Variants in DDX18 observed in about 807,000 individuals in gnomAD.
The protein encoded by DDX18 is DEAD-box helicase 18, also known as ATP-dependent RNA helicase DDX18.
A neutral mutation model predicts 73.5 loss-of-function variants in DDX18; 23 were observed. The ratio of observed to expected loss-of-function variants is 0.31; its 90% CI spans 0.23 to 0.44. The LOEUF (loss-of-function observed/expected upper bound fraction) is 0.44. Among genes scored for constraint, DDX18 ranks in the 20% least tolerant of loss-of-function variants. The pLI, the probability that DDX18 is intolerant of heterozygous loss-of-function variation, is 1.00. For synonymous variants in DDX18, 268 were observed against 282.7 expected, an observed-to-expected ratio of 0.95 and a Z score of 0.52; for missense variants, 753 against 792.9, an observed-to-expected ratio of 0.95 and a Z score of 0.60.
chr2:117,825,666 C>G (rs1679914264), intron 10 of DDX18, 67 bp downstream of exon 10: 2 of 1,561,054 alleles, frequency 1.3e-6, no homozygotes, highest in Non-Finnish European at 1.8e-6. Flanking sequence ...TCTCCCAGTT[C>G]CCTGACGGAA....
chr2:117,819,506 CAG>C, intron 2 of DDX18, 141 bp from the exon 3 acceptor site: 1 of 827,458 alleles, frequency 1.2e-6, no homozygotes, highest in South Asian at 2.6e-5. Flanking sequence ...TTTCACCAAA[CAG>C]AATTCTTAAC....
At chr2:117,818,667 G>C (rs1679798297) in intron 2 of DDX18, among the ~76,000 whole-genome samples, 1 of 151,756 alleles carries the variant, frequency 6.6e-6, no homozygotes, top group Non-Finnish European at 1.5e-5. Flanking sequence ...TTAACCTTAT[G>C]GGTTTTTTGT....
chr2:117,816,604 C>G lies in DDX18; in HGVS notation c.86-840C>G, dbSNP rs78387314. Among the ~76,000 whole-genome samples the G allele has an allele frequency of 6.2e-3, 944 of 152,066 alleles. 9 individuals are homozygous for G. Among genetic ancestry groups the G allele is most frequent in the African/African-American group, 0.022 (909 of 41,446 alleles). On this transcript the variant is annotated intron_variant, in intron 1 of 13. Coordinates refer to ENST00000263239, the MANE Select transcript of DDX18 (RefSeq NM_006773.4). Reference sequence around the variant, plus strand: ...TCTCTCCCTGAGGCTCTTTTACAGTCGACTCATTTTTTTTTAATAAGTAAA... The same window carrying G: ...TCTCTCCCTGAGGCTCTTTTACAGTGGACTCATTTTTTTTTAATAAGTAAA...
At position 117,829,299 on chromosome 2, in the gene DDX18, T is replaced by G. The variant is rs923810782; in HGVS notation, c.1703T>G (p.Leu568Trp). ...TTCTTTCTATTTCAGCTTGAGAAAT[T>G]GATTGAAAAGAATTACTTTCTTCAT... ...ISDIQSQLEK[L>W]IEKNYFLHKS... The change falls in exon 13 of 14, where the codon TTG becomes TGG. Residue 568 changes from leucine (L) to tryptophan (W), a missense_variant. Physicochemically the swap from Leu to Trp is moderately conservative, Grantham distance 61. Transcript: ENST00000263239. 1.3e-6 allele frequency: 2 copies of G among 1,587,484 alleles called. No individual in the cohort carries two copies. Among genetic ancestry groups the G allele is most frequent in the Non-Finnish European group, 8.5e-7 (1 of 1,170,906 alleles).
At chr2:117,814,886 G>T (rs759981945) in intron 1 of DDX18, 24 bp downstream of exon 1, 6 of 1,613,668 alleles carry the variant, frequency 3.7e-6, no homozygotes, top group Non-Finnish European at 5.1e-6. Flanking sequence ...ACTCGCGGTG[G>T]CTCAGAAGAC....
At chr2:117,828,880 T>C in intron 11 of DDX18, 69 bp from the exon 12 acceptor site, 1 of 1,115,612 alleles carries the variant, frequency 9.0e-7, no homozygotes, top group Non-Finnish European at 1.3e-6. Flanking sequence ...CATCCTTCCC[T>C]GTCTTCAGTA....
intron 4 of DDX18, 44 bp from the exon 5 acceptor site, chr2:117,821,606 T>C: frequency 6.2e-7 from 1 of 1,605,464 alleles, no homozygotes; most frequent in Non-Finnish European, 8.5e-7. Flanking sequence ...ACGTCGTAAA[T>C]GAGTAGGCTA....
Position 117,830,823 on chromosome 2 carries a change from AC to A in DDX18, c.*101del. The A allele has an allele frequency of 3.5e-6, 5 of 1,430,832 alleles. No homozygotes were observed. The highest frequency in any genetic ancestry group is 4.8e-6 in the Non-Finnish European group (5 of 1,038,210). 88.6% of individuals were successfully genotyped at this position (1,430,832 alleles called of 1,614,324 possible). On this transcript the variant is annotated 3_prime_UTR_variant, in exon 14 of 14. Coordinates refer to ENST00000263239, the MANE Select transcript of DDX18 (RefSeq NM_006773.4). ...TTTGTAGACTTTAGAATTTGGACTT[AC>A]CTAACAAGAGTATAAATTGACTTGG...
At position 117,830,592 on chromosome 2, in the gene DDX18, T is replaced by C. The variant is rs1465988642; in HGVS notation, c.1881T>C (p.Ser627=). 2 of 1,613,590 alleles carry C rather than the reference T, an allele frequency of 1.2e-6. No homozygotes were observed. The highest frequency in any genetic ancestry group is 1.7e-6 in the Non-Finnish European group (2 of 1,179,774). The change falls in exon 14 of 14, where the codon AGT becomes AGC. Residue 627 remains serine (S), a synonymous_variant. Transcript: ENST00000263239. ...VPPFVDLNVN[S]NEGKQKKRGG... ...AATGTTTGCCTCCAGACGTCAACAG[T>C]AATGAAGGCAAGCAGAAAAAGCGAG...
In DDX18 at chr2:117,821,669, A is replaced by G. The variant is rs750037176; in HGVS notation, c.670A>G (p.Lys224Glu). The change falls in exon 5 of 14, where the codon AAA (lysine) becomes GAA (glutamate). Residue 224 changes from lysine to glutamate, a missense_variant. By Grantham distance (56) the Lys-to-Glu change is moderately conservative. Coordinates refer to ENST00000263239, the MANE Select transcript of DDX18 (RefSeq NM_006773.4). ...ATTTAGGGATCTTCTAGCAGCTGCA[A>G]AAACAGGCAGTGGTAAAACCCTGGC... The part of the protein sequence containing the change: ...LEGRDLLAAA[K>E]TGSGKTLAFL... The G allele has an allele frequency of 1.9e-6, 3 of 1,614,004 alleles. No homozygotes were observed. Among genetic ancestry groups the G allele is most frequent in the Non-Finnish European group, 2.5e-6 (3 of 1,179,924 alleles).
rs1264587068 is a variant in DDX18, at chr2:117,831,358, A to G, written c.*634A>G. On this transcript the variant is annotated 3_prime_UTR_variant, in exon 14 of 14. Coordinates refer to ENST00000263239, the MANE Select transcript of DDX18 (RefSeq NM_006773.4). ...TGTTGCATTTTTTGGAGCAAAAACT[A>G]TGGGTTGTAATTTGAATAAAGTGTC... The G allele has an allele frequency of 2.6e-5, 4 of 152,224 alleles. No individual in the cohort carries two copies. In the East Asian group the frequency reaches 7.7e-4, roughly 29 times the overall value. 9.4% of individuals were successfully genotyped at this position (152,224 alleles called of 1,614,324 possible).
chr2:117,822,321 GT>G, intron 7 of DDX18, 60 bp downstream of exon 7: 1 of 1,355,358 alleles, frequency 7.4e-7, no homozygotes, highest in Non-Finnish European at 1.0e-6. Context: ...GATAAGAGTT[GT>G]TCCTATAGAA....
At chr2:117,822,113 A>T (rs1392747950) in intron 6 of DDX18, 34 bp from the exon 7 acceptor site, 1 of 1,613,828 alleles carries the variant, frequency 6.2e-7, no homozygotes. Flanking sequence ...TAAACTGACA[A>T]CTAATGGTTG....
At chr2:117,822,361 T>C (rs1329178165) in intron 7 of DDX18, 100 bp downstream of exon 7, 2 of 864,374 alleles carry the variant, frequency 2.3e-6, no homozygotes, top group African/African-American at 3.4e-5. Flanking sequence ...AACTTTACCA[T>C]AGCCAAGTGA....
intron 10 of DDX18, 31 bp from the exon 11 acceptor site, chr2:117,826,238 C>G (rs542898403): frequency 6.3e-7 from 1 of 1,593,672 alleles, no homozygotes. Context: ...GAAGTCACTG[C>G]GTTAACTCAG....
intron 10 of DDX18, chr2:117,825,891 G>GA (rs1679917948): frequency 2.4e-6 from 1 of 418,362 alleles, no homozygotes; most frequent in South Asian, 5.9e-5. Context: ...TAAGGAAGTA[G>GA]ATAAACTTCT....
intron 7 of DDX18, 130 bp from the exon 8 acceptor site, chr2:117,824,439 A>G: frequency 1.1e-6 from 1 of 881,808 alleles, no homozygotes; most frequent in Non-Finnish European, 1.5e-6. Flanking sequence ...ACCTTTTGTA[A>G]TATTTGTAGA....
chr2:117,816,651 G>T (rs1484943124), intron 1 of DDX18, among the ~76,000 whole-genome samples: 2 of 152,056 alleles, frequency 1.3e-5, no homozygotes, highest in Non-Finnish European at 1.5e-5. Context: ...CTAAAATGAT[G>T]ATCAAAAGTA....
At position 117,814,771 on chromosome 2, in the gene DDX18, G is replaced by C. The variant is rs1263395288; in HGVS notation, c.-7G>C. The C allele has an allele frequency of 6.2e-7, 1 of 1,614,130 alleles. No homozygotes were observed. The highest frequency in any genetic ancestry group is 8.5e-7 in the Non-Finnish European group (1 of 1,179,990). On this transcript the variant is annotated 5_prime_UTR_variant, in exon 1 of 14. Coordinates refer to ENST00000263239, the MANE Select transcript of DDX18 (RefSeq NM_006773.4). ...TGGCGCCTTATTCTAGGCACTTGTT[G>C]GGCAGAATGTCACACCTGCCGATGA...
Sources: allele counts gnomAD v4.1 joint callset (sites outside exome capture counted in the v4.1 genomes callset), GRCh38; gene constraint gnomAD v4.1.1; transcripts MANE v1.5; gene names NCBI Gene and HGNC (gene_info 2026-07-23, HGNC 2026-07-21).